The following ZNF707 variants were observed in gnomAD, a reference collection of about 807,000 sequenced individuals.
The protein encoded by ZNF707 is zinc finger protein 707.
A neutral mutation model predicts 13.3 loss-of-function variants in ZNF707; 8 were observed. That is an observed-to-expected ratio of 0.60 (90% CI 0.35 to 1.09). ZNF707 has a LOEUF of 1.09. Ranked by LOEUF, ZNF707 falls within the 50% of genes least tolerant of loss-of-function variation. The pLI, the probability that ZNF707 is intolerant of heterozygous loss-of-function variation, is 0.02. For missense variants in ZNF707, 530 were observed against 512.6 expected (o/e 1.03, Z -0.33); for synonymous variants, 225 against 205.6 (o/e 1.09, Z -0.81).
At chr8:143,686,358 C>T (rs1816271961) in intron 1 of ZNF707, among the ~76,000 whole-genome samples, 1 of 152,060 alleles carries the variant, frequency 6.6e-6, no homozygotes, top group Non-Finnish European at 1.5e-5. Flanking sequence ...AGGCGTGAAC[C>T]ACCGCGAATG....
chr8:143,691,176 A>G lies in ZNF707; in HGVS notation c.119A>G (p.Asn40Ser), dbSNP rs924216384. 72 of 1,613,078 alleles carry G rather than the reference A, an allele frequency of 4.5e-5. No homozygotes were observed. The highest frequency in any genetic ancestry group is 6.0e-5 in the Non-Finnish European group (71 of 1,179,394). The stretch of plus-strand genomic sequence containing the variant: ...CTCTACCGGGACGTGATGCTGGACA[A>G]CTTCAGCAGTGTGGCTGCTCTGGGT... Reference protein sequence around the residue: ...RALYRDVMLDNFSSVAALGFC... With the variant: ...RALYRDVMLDSFSSVAALGFC... Residue 40 changes from asparagine (N) to serine (S), a missense_variant, in exon 4 of 6, where the codon AAC becomes AGC. Coordinates refer to ENST00000358656, the MANE Select transcript of ZNF707 (RefSeq NM_001100598.2).
chr8:143,685,879 A>G (rs1190849752), intron 1 of ZNF707, among the ~76,000 whole-genome samples: 2 of 152,052 alleles, frequency 1.3e-5, no homozygotes, highest in Non-Finnish European at 2.9e-5. Context: ...TGCCTAGGGG[A>G]AAAAAAGTAG....
chr8:143,693,743 G>T lies in ZNF707; in HGVS notation c.329G>T (p.Arg110Leu), dbSNP rs782622897. 1 of 1,612,984 alleles carries T rather than the reference G, an allele frequency of 6.2e-7. No homozygotes were observed. Among genetic ancestry groups the T allele is most frequent in the Non-Finnish European group, 8.5e-7 (1 of 1,179,740 alleles). The change falls in exon 6 of 6, where the codon CGG becomes CTG. Residue 110 changes from arginine to leucine, a missense_variant. Arg to Leu is a moderately radical substitution (Grantham distance 102, BLOSUM62 -2). Coordinates refer to ENST00000358656, the MANE Select transcript of ZNF707 (RefSeq NM_001100598.2). This position sits in a 1 kb window ranked among gnomAD's most constrained non-coding sequence, Gnocchi z 4.1. ...PAWAHKKTHV[R>L]RERAREGSSF... The stretch of plus-strand genomic sequence containing the variant: ...TGGGCTCACAAGAAAACCCACGTGC[G>T]GCGAGAAAGAGCCAGGGAAGGAAGC...
chr8:143,693,861 G>A lies in ZNF707; in HGVS notation c.447G>A (p.Pro149=), dbSNP rs782555507. The part of the protein sequence containing the change: ...ERTDAKPTAF[P]CQVLTQRCGR... ...CAGACGCCAAGCCCACGGCTTTCCC[G>A]TGTCAGGTGCTCACGCAGCGTTGTG... is the stretch of plus-strand genomic sequence containing the variant. The change falls in exon 6 of 6, where the codon CCG becomes CCA. Residue 149 remains proline (P), a synonymous_variant. Transcript: ENST00000358656. This position sits in a 1 kb window ranked among gnomAD's most constrained non-coding sequence, Gnocchi z 4.1. 7.5e-6 allele frequency: 12 copies of A among 1,610,146 alleles called. No individual in the cohort carries two copies. Among genetic ancestry groups the A allele is most frequent in the Non-Finnish European group, 1.0e-5 (12 of 1,178,360 alleles).
rs782780929 is a variant in ZNF707 at position 143,693,944 on chromosome 8, T to C, written c.530T>C (p.Ile177Thr). The C allele has an allele frequency of 3.7e-6, 6 of 1,603,056 alleles. No homozygotes were observed. In the African/African-American group the frequency reaches 8.0e-5, roughly 21 times the overall value. ...CAGCGCGCAGTAGAGCTGTCATTCA[T>C]CTGCGGCACGTGCGGGAAGGCGCTC... The part of the protein sequence containing the change: ...RKQRAVELSF[I>T]CGTCGKALSC... Residue 177 changes from isoleucine to threonine, a missense_variant, in exon 6 of 6, where the codon ATC becomes ACC. Physicochemically the swap from Ile to Thr is moderately conservative, Grantham distance 89. Transcript: ENST00000358656. This position sits in a 1 kb window ranked among gnomAD's most constrained non-coding sequence, Gnocchi z 4.1.
chr8:143,686,199 G>A (rs1816253259), intron 1 of ZNF707, among the ~76,000 whole-genome samples: 1 of 152,066 alleles, frequency 6.6e-6, no homozygotes, highest in Non-Finnish European at 1.5e-5. Context: ...CCGGGTTCAA[G>A]CAGTTCTCCT....
At position 143,693,420 on chromosome 8, in the gene ZNF707, T is replaced by G. The variant is rs1554614169; in HGVS notation, c.257-251T>G. Among the ~76,000 whole-genome samples the G allele has an allele frequency of 6.6e-6, 1 of 151,746 alleles. No homozygotes were observed. The highest frequency in any genetic ancestry group is 2.4e-5 in the African/African-American group (1 of 41,336). ...CTCCTGCCTCAGCCTCCCGAGTAGC[T>G]GGGACCACAGGCGCCCGCCACTGCG... is the stretch of plus-strand genomic sequence containing the variant. On this transcript the variant is annotated intron_variant, in intron 5 of 5. Coordinates refer to ENST00000358656, the MANE Select transcript of ZNF707 (RefSeq NM_001100598.2). This position sits in a 1 kb window ranked among gnomAD's most constrained non-coding sequence, Gnocchi z 4.1.
intron 5 of ZNF707, among the ~76,000 whole-genome samples, chr8:143,692,937 G>A (rs1354695223): frequency 6.6e-6 from 1 of 152,096 alleles, no homozygotes; most frequent in African/African-American, 2.4e-5. Context: ...AGGCTGAGTG[G>A]TTGAGAATCA....
At chr8:143,691,421 T>C in intron 4 of ZNF707, 179 bp from the exon 5 acceptor site, 1 of 1,039,542 alleles carries the variant, frequency 9.6e-7, no homozygotes, top group Non-Finnish European at 1.4e-6. Flanking sequence ...TGCCAGGGCC[T>C]TCCGTGGGCC....
Position 143,693,942 on chromosome 8 carries a change from C to A in ZNF707, c.528C>A (p.Phe176Leu). The change falls in exon 6 of 6, where the codon TTC becomes TTA. Residue 176 changes from phenylalanine (F) to leucine (L), a missense_variant. Physicochemically the swap from Phe to Leu is conservative, Grantham distance 22. Transcript: ENST00000358656. The surrounding 1 kb of genome is among the most constrained non-coding windows in gnomAD (Gnocchi z 4.1). Reference protein sequence around the residue: ...RRKQRAVELSFICGTCGKALS... With the variant: ...RRKQRAVELSLICGTCGKALS... ...AGCAGCGCGCAGTAGAGCTGTCATT[C>A]ATCTGCGGCACGTGCGGGAAGGCGC... The A allele has an allele frequency of 1.1e-5, 17 of 1,603,060 alleles. No homozygotes were observed. Among genetic ancestry groups the A allele is most frequent in the Non-Finnish European group, 1.4e-5 (16 of 1,175,688 alleles).
At position 143,694,418 on chromosome 8, in the gene ZNF707, G is replaced by A. The variant is rs782716133; in HGVS notation, c.1004G>A (p.Arg335Gln). ...TGGCCCAAGGGCTTCAGCATCCACCGGAGGCTGCACCTGACGAAGAGGTTC... is the reference window on the plus strand; with the variant it reads ...TGGCCCAAGGGCTTCAGCATCCACCAGAGGCTGCACCTGACGAAGAGGTTC... ...FRWPKGFSIH[R>Q]RLHLTKRFYE... The change falls in exon 6 of 6, where the codon CGG becomes CAG. Residue 335 changes from arginine to glutamine, a missense_variant. Coordinates refer to ENST00000358656, the MANE Select transcript of ZNF707 (RefSeq NM_001100598.2). This position sits in a 1 kb window ranked among gnomAD's most constrained non-coding sequence, Gnocchi z 4.4. 31 of 1,612,356 alleles carry A rather than the reference G, an allele frequency of 1.9e-5. No homozygotes were observed. The highest frequency in any genetic ancestry group is 5.5e-5 in the South Asian group (5 of 90,984).
chr8:143,693,546 C>A lies in ZNF707; in HGVS notation c.257-125C>A. ...TCCTGACCTCATGATCCACCCGCCT[C>A]GGCCTCCCAAAGTGCTGGGATTACA... On this transcript the variant is annotated intron_variant, in intron 5 of 5. Transcript: ENST00000358656. This position sits in a 1 kb window ranked among gnomAD's most constrained non-coding sequence, Gnocchi z 4.1. 6.4e-6 allele frequency: 7 copies of A among 1,102,178 alleles called. No individual in the cohort carries two copies. In the South Asian group the frequency reaches 1.4e-4, roughly 22 times the overall value. The allele number at this position is 1,102,178 out of a possible 1,614,324, so 68.3% of individuals were successfully genotyped here.
rs1554613500 is a variant in ZNF707, at chr8:143,691,193, G to A, written c.136G>A (p.Ala46Thr). 1.2e-6 allele frequency: 2 copies of A among 1,612,148 alleles called. No homozygotes were observed. The highest frequency in any genetic ancestry group is 1.7e-6 in the Non-Finnish European group (2 of 1,178,732). The stretch of plus-strand genomic sequence containing the variant: ...GCTGGACAACTTCAGCAGTGTGGCT[G>A]CTCTGGGTGAGCACGGGCTGAGCGC... Reference protein sequence around the residue: ...VMLDNFSSVAALGFCSPRPDL... With the variant: ...VMLDNFSSVATLGFCSPRPDL... Residue 46 changes from alanine to threonine, a missense_variant, in exon 4 of 6, where the codon GCT becomes ACT. Transcript: ENST00000358656.
rs1817093071 is a variant in ZNF707, at chr8:143,693,997, C to T, written c.583C>T (p.Gln195Ter). The T allele has an allele frequency of 5.6e-6, 9 of 1,604,198 alleles. No individual in the cohort carries two copies. Among genetic ancestry groups the T allele is most frequent in the Admixed American group, 1.7e-5 (1 of 59,078 alleles). Residue 195 changes from glutamine to a stop codon, truncating the protein, a stop_gained, in exon 6 of 6, where the codon CAG becomes TAG. Coordinates refer to ENST00000358656, the MANE Select transcript of ZNF707 (RefSeq NM_001100598.2). LOFTEE classifies it low-confidence loss of function (END_TRUNC). This position sits in a 1 kb window ranked among gnomAD's most constrained non-coding sequence, Gnocchi z 4.1. Reference sequence around the variant, plus strand: ...CTGCCACAGCCGGCTGCTCGCTCACCAGACGGTGCACACGGGAACCAAGGC... The same window carrying T: ...CTGCCACAGCCGGCTGCTCGCTCACTAGACGGTGCACACGGGAACCAAGGC... ...LSCHSRLLAH[Q>*]TVHTGTKAFE...
Position 143,694,800 on chromosome 8 carries a change from T to A in ZNF707, c.*270T>A, listed in dbSNP as rs1335417950. 2.4e-6 allele frequency: 1 copy of A among 420,462 alleles called. No homozygotes were observed. Among genetic ancestry groups the A allele is most frequent in the Non-Finnish European group, 4.2e-6 (1 of 238,312 alleles). 26.0% of individuals were successfully genotyped at this position (420,462 alleles called of 1,614,324 possible). ...GGGCATCCTGGGGATGTGCTGAGAG[T>A]GTGCGCGACCCCGGAGCCACGTGCC... On this transcript the variant is annotated 3_prime_UTR_variant, in exon 6 of 6. Transcript: ENST00000358656. This position sits in a 1 kb window ranked among gnomAD's most constrained non-coding sequence, Gnocchi z 4.4.
chr8:143,694,494 G>A lies in ZNF707; in HGVS notation c.1080G>A (p.Thr360=), dbSNP rs953583830. The change falls in exon 6 of 6, where the codon ACG becomes ACA. Residue 360 remains threonine, a synonymous_variant. Transcript: ENST00000358656. The surrounding 1 kb of genome is among the most constrained non-coding windows in gnomAD (Gnocchi z 4.4). ...GKGFRHLGFF[T]RHQRTHRHGE... ...GCTTCCGTCACCTGGGGTTCTTCAC[G>A]CGGCATCAGAGGACTCACAGGCACG... 6.8e-6 allele frequency: 11 copies of A among 1,609,464 alleles called. No individual in the cohort carries two copies. The highest frequency in any genetic ancestry group is 2.2e-5 in the East Asian group (1 of 44,750).
At chr8:143,691,025 C>G (rs1435893943) in intron 3 of ZNF707, 48 bp from the exon 4 acceptor site, 16 of 1,610,480 alleles carry the variant, frequency 9.9e-6, no homozygotes, top group Middle Eastern at 1.7e-4. Context: ...GTGGGCTGAG[C>G]CTTCTTTTTC....
Position 143,693,983 on chromosome 8 carries a change from G to A in ZNF707, c.569G>A (p.Arg190Gln), listed in dbSNP as rs782186146. ...GGGAAGGCGCTCAGCTGCCACAGCC[G>A]GCTGCTCGCTCACCAGACGGTGCAC... ...TCGKALSCHS[R>Q]LLAHQTVHTG... is the part of the protein sequence containing the mutation. The change falls in exon 6 of 6, where the codon CGG becomes CAG. Residue 190 changes from arginine (R) to glutamine (Q), a missense_variant. Arg to Gln is a conservative substitution (Grantham distance 43). Coordinates refer to ENST00000358656, the MANE Select transcript of ZNF707 (RefSeq NM_001100598.2). This position sits in a 1 kb window ranked among gnomAD's most constrained non-coding sequence, Gnocchi z 4.1. The A allele has an allele frequency of 1.9e-6, 3 of 1,602,442 alleles. No homozygotes were observed. The highest frequency in any genetic ancestry group is 2.6e-6 in the Non-Finnish European group (3 of 1,176,012).
In ZNF707 at chr8:143,694,440, G is replaced by A. The variant is rs202032154; in HGVS notation, c.1026G>A (p.Arg342=). 21 of 1,612,458 alleles carry A rather than the reference G, an allele frequency of 1.3e-5. No individual in the cohort carries two copies. Among genetic ancestry groups the A allele is most frequent in the Non-Finnish European group, 8.5e-7 (1 of 1,179,608 alleles). ...SIHRRLHLTK[R]FYECGHCGKG... is the part of the protein sequence containing the mutation. ...ACCGGAGGCTGCACCTGACGAAGAG[G>A]TTCTACGAGTGCGGCCACTGTGGGA... is the stretch of plus-strand genomic sequence containing the variant. Residue 342 remains arginine, a synonymous_variant, in exon 6 of 6, where the codon AGG becomes AGA. Coordinates refer to ENST00000358656, the MANE Select transcript of ZNF707 (RefSeq NM_001100598.2). The surrounding 1 kb of genome is among the most constrained non-coding windows in gnomAD (Gnocchi z 4.4).
Sources: gnomAD v4.1 joint callset for allele counts (sites outside exome capture counted in the v4.1 genomes callset) on GRCh38, gnomAD v4.1.1 for gene constraint, Gnocchi (gnomAD v3.1) non-coding constraint, MANE v1.5 for transcripts, NCBI Gene and HGNC (gene_info 2026-07-23, HGNC 2026-07-21) for gene names.